BOP1: variants seen among roughly 807,000 people sequenced by gnomAD.
The protein encoded by BOP1 is ribosome biogenesis protein BOP1.
Under a neutral mutation model 82.9 loss-of-function variants are expected in BOP1, and 54 were observed. The observed-to-expected ratio is 0.65, with a 90% CI of 0.52 to 0.82. The LOEUF (loss-of-function observed/expected upper bound fraction) is 0.82. BOP1 is among the 40% of genes least tolerant of loss of function. The pLI, the probability that BOP1 is intolerant of heterozygous loss-of-function variation, is 0.00. For synonymous variants in BOP1, 566 were observed against 451.1 expected, an observed-to-expected ratio of 1.25 and a Z score of -3.23; for missense variants, 1,170 against 1,072.0, an observed-to-expected ratio of 1.09 and a Z score of -1.28.
At position 144,262,286 on chromosome 8, in the gene BOP1, C is replaced by G; in HGVS notation, c.2119G>C (p.Val707Leu). The G allele has an allele frequency of 1.2e-6, 2 of 1,612,778 alleles. No individual in the cohort carries two copies. Among genetic ancestry groups the G allele is most frequent in the African/African-American group, 1.3e-5 (1 of 74,988 alleles). The change falls in exon 16 of 16, where the codon GTC becomes CTC. Residue 707 changes from valine (V) to leucine (L), a missense_variant. Transcript: ENST00000569669. ...DLLQNPLLVP[V>L]KVLKGHVLTR... is the part of the protein sequence containing the mutation. ...AGCACGTGTCCCTTCAGCACCTTGA[C>G]GGGCACCAGCAAGGGGTTCTGCAGA...
chr8:144,264,500 G>C lies in BOP1; in HGVS notation c.765+15C>G. On this transcript the variant is annotated intron_variant, in intron 6 of 15. Coordinates refer to ENST00000569669, the MANE Select transcript of BOP1 (RefSeq NM_015201.5). ...CGGTCAGCCCAGGCCAAGCCCCAGGGGCTGTGTGCCCCACCTTCTCCTTCT... is the reference window on the plus strand; with the variant it reads ...CGGTCAGCCCAGGCCAAGCCCCAGGCGCTGTGTGCCCCACCTTCTCCTTCT... 6.2e-7 allele frequency: 1 copy of C among 1,609,298 alleles called. No individual in the cohort carries two copies.
intron 3 of BOP1, chr8:144,268,122 AAGAC>A: frequency 1.3e-6 from 2 of 1,551,750 alleles, no homozygotes; most frequent in Non-Finnish European, 8.7e-7. Context: ...CCGCGACAGA[AAGAC>A]AGCGATTCGC....
At position 144,262,085 on chromosome 8, in the gene BOP1, G is replaced by A. The variant is rs1845191148; in HGVS notation, c.*79C>T. 2 of 1,594,326 alleles carry A rather than the reference G, an allele frequency of 1.3e-6. No individual in the cohort carries two copies. The highest frequency in any genetic ancestry group is 1.7e-6 in the Non-Finnish European group (2 of 1,168,878). On this transcript the variant is annotated 3_prime_UTR_variant, in exon 16 of 16. Coordinates refer to ENST00000569669, the MANE Select transcript of BOP1 (RefSeq NM_015201.5). ...TTTGTTGGCAACCCCAATTCAAGAAGGTGGGAGCACCAGGCAGCACAGGGT... is the reference window on the plus strand; with the variant it reads ...TTTGTTGGCAACCCCAATTCAAGAAAGTGGGAGCACCAGGCAGCACAGGGT...
chr8:144,264,498 G>C lies in BOP1; in HGVS notation c.765+17C>G. The stretch of plus-strand genomic sequence containing the variant: ...GGCGGTCAGCCCAGGCCAAGCCCCA[G>C]GGGCTGTGTGCCCCACCTTCTCCTT... On this transcript the variant is annotated intron_variant, in intron 6 of 15. Coordinates refer to ENST00000569669, the MANE Select transcript of BOP1 (RefSeq NM_015201.5). 6.2e-7 allele frequency: 1 copy of C among 1,609,116 alleles called. No homozygotes were observed. Among genetic ancestry groups the C allele is most frequent in the Non-Finnish European group, 8.5e-7 (1 of 1,178,950 alleles).
intron 3 of BOP1, among the ~76,000 whole-genome samples, chr8:144,266,377 G>A (rs982087778): frequency 1.4e-5 from 2 of 146,886 alleles, no homozygotes; most frequent in Non-Finnish European, 3.0e-5. Flanking sequence ...AGGAGCCTCC[G>A]GGCTGAGAGG....
intron 1 of BOP1, among the ~76,000 whole-genome samples, chr8:144,290,751 G>A (rs1391900915): frequency 8.6e-5 from 13 of 151,916 alleles, no homozygotes; most frequent in African/African-American, 2.9e-4. Context: ...GGCCGCGGCC[G>A]AGGGGGCTGT....
intron 3 of BOP1, chr8:144,267,189 G>A (rs1172656603): frequency 2.0e-6 from 3 of 1,509,314 alleles, no homozygotes; most frequent in Non-Finnish European, 2.6e-6. Flanking sequence ...TGGTGAGCAC[G>A]GGCCGTGGGG....
chr8:144,280,526 A>G (rs1845652189), intron 2 of BOP1, among the ~76,000 whole-genome samples: 1 of 152,252 alleles, frequency 6.6e-6, no homozygotes, highest in Admixed American at 6.5e-5. Context: ...AAGAGTGTGC[A>G]TTATGCTCCG....
chr8:144,284,703 A>G (rs1324912856), intron 2 of BOP1, among the ~76,000 whole-genome samples: 1 of 152,206 alleles, frequency 6.6e-6, no homozygotes, highest in Non-Finnish European at 1.5e-5. Context: ...ACCCCTCAGG[A>G]GCACCTGAGC....
chr8:144,264,029 G>C lies in BOP1; in HGVS notation c.1092C>G (p.Phe364Leu). The change falls in exon 8 of 16, where the codon TTC becomes TTG. Residue 364 changes from phenylalanine (F) to leucine (L), a missense_variant. Phe to Leu is a conservative substitution (Grantham distance 22). Transcript: ENST00000569669. Reference sequence around the variant, plus strand: ...ACAGGTACAGGTCAAGGCAGCGCTCGAAGCGTTCCTGGATGAAGCGTCCGT... The same window carrying C: ...ACAGGTACAGGTCAAGGCAGCGCTCCAAGCGTTCCTGGATGAAGCGTCCGT... The part of the protein sequence containing the change: ...PAYGRFIQER[F>L]ERCLDLYLCP... 1.9e-6 allele frequency: 3 copies of C among 1,609,274 alleles called. No individual in the cohort carries two copies. Among genetic ancestry groups the C allele is most frequent in the Non-Finnish European group, 2.5e-6 (3 of 1,179,788 alleles).
chr8:144,262,986 G>T lies in BOP1; in HGVS notation c.1761C>A (p.Phe587Leu). ...CCAACAGGAAGGGCCGGGCAGGGTG[G>T]AAGGCCACTCGCTGCACCTGTCCGT... ...RSHGQVQRVA[F>L]HPARPFLLVA... The change falls in exon 13 of 16, where the codon TTC (phenylalanine) becomes TTA (leucine). Residue 587 changes from phenylalanine (F) to leucine (L), a missense_variant. Coordinates refer to ENST00000569669, the MANE Select transcript of BOP1 (RefSeq NM_015201.5). 1 of 1,553,468 alleles carries T rather than the reference G, an allele frequency of 6.4e-7. No individual in the cohort carries two copies. The highest frequency in any genetic ancestry group is 8.6e-7 in the Non-Finnish European group (1 of 1,156,716).
chr8:144,264,798 G>T lies in BOP1; in HGVS notation c.579C>A (p.Asp193Glu). 1.2e-6 allele frequency: 2 copies of T among 1,609,276 alleles called. No homozygotes were observed. The highest frequency in any genetic ancestry group is 1.7e-6 in the Non-Finnish European group (2 of 1,179,018). ...RTVQDPMTGR[D>E]LRLTDEQVAL... ...CCACCTGCTCATCCGTCAGTCTCAGGTCCCGCCCTGTCATCGGGTCCTGCA... is the reference window on the plus strand; with the variant it reads ...CCACCTGCTCATCCGTCAGTCTCAGTTCCCGCCCTGTCATCGGGTCCTGCA... Residue 193 changes from aspartate to glutamate, a missense_variant, in exon 5 of 16, where the codon GAC becomes GAA. Coordinates refer to ENST00000569669, the MANE Select transcript of BOP1 (RefSeq NM_015201.5).
chr8:144,285,847 T>C (rs1319449546), intron 2 of BOP1, among the ~76,000 whole-genome samples: 2 of 151,924 alleles, frequency 1.3e-5, no homozygotes, highest in Non-Finnish European at 2.9e-5. Context: ...GAGTGGGAGG[T>C]GGCGGAGATA....
At chr8:144,267,747 G>A (rs1393837288) in intron 3 of BOP1, among the ~76,000 whole-genome samples, 3 of 152,074 alleles carry the variant, frequency 2.0e-5, no homozygotes, top group African/African-American at 7.2e-5. Flanking sequence ...CTGGGGGTGA[G>A]GGCCCCTGCA....
intron 3 of BOP1, among the ~76,000 whole-genome samples, chr8:144,272,156 A>G (rs745443722): frequency 2.6e-5 from 4 of 151,438 alleles, no homozygotes; most frequent in Non-Finnish European, 5.9e-5. Context: ...GGGGCATGAC[A>G]CCCCAAACAC....
chr8:144,290,101 G>A (rs1412657785), intron 1 of BOP1, among the ~76,000 whole-genome samples: 4 of 152,204 alleles, frequency 2.6e-5, no homozygotes, highest in African/African-American at 9.6e-5. Flanking sequence ...GCTCACTCCT[G>A]TAATCCCAAC....
At chr8:144,290,436 A>G (rs1815018941) in intron 1 of BOP1, among the ~76,000 whole-genome samples, 1 of 152,248 alleles carries the variant, frequency 6.6e-6, no homozygotes, top group Admixed American at 6.5e-5. Flanking sequence ...CTAATAGTTT[A>G]CAAGTCTCAC....
At chr8:144,273,381 A>C (rs1260979273) in intron 3 of BOP1, among the ~76,000 whole-genome samples, 3 of 137,826 alleles carry the variant, frequency 2.2e-5, no homozygotes, top group African/African-American at 8.2e-5. Flanking sequence ...CCCCAGCCCC[A>C]GACTCCAGAC....
In BOP1 at chr8:144,263,464, G is replaced by C; in HGVS notation, c.1424+14C>G. ...GCCACCCCTGGCTCCCCAGCCCCCA[G>C]GGCCTCCACTTACACGGCTGCAGCC... is the stretch of plus-strand genomic sequence containing the variant. On this transcript the variant is annotated intron_variant, in intron 11 of 15. Transcript: ENST00000569669. 6.3e-7 allele frequency: 1 copy of C among 1,597,946 alleles called. No individual in the cohort carries two copies. Among genetic ancestry groups the C allele is most frequent in the Non-Finnish European group, 8.5e-7 (1 of 1,179,652 alleles).
Sources: allele counts gnomAD v4.1 joint callset (sites outside exome capture counted in the v4.1 genomes callset), GRCh38; gene constraint gnomAD v4.1.1; transcripts MANE v1.5; gene names NCBI Gene and HGNC (gene_info 2026-07-23, HGNC 2026-07-21).